Variants in CATSPERB observed in about 807,000 individuals in gnomAD.
The protein encoded by CATSPERB is cation channel sperm-associated auxiliary subunit beta.
CATSPERB carries 93 observed loss-of-function variants against 128.3 expected under a neutral mutation model. That is an observed-to-expected ratio of 0.72 (90% CI 0.61 to 0.86). The LOEUF is 0.86. CATSPERB is among the 40% of genes least tolerant of loss of function. CATSPERB has a pLI of 0.00. For missense variants in CATSPERB, 1,153 were observed against 1,329.5 expected, an observed-to-expected ratio of 0.87 and a Z score of 2.06; for synonymous variants, 381 against 448.8, an observed-to-expected ratio of 0.85 and a Z score of 1.91.
chr14:91,638,631 A>G (rs1238196353), intron 16 of CATSPERB, among the ~76,000 whole-genome samples: 1 of 152,176 alleles, frequency 6.6e-6, no homozygotes, highest in Non-Finnish European at 1.5e-5. Context: ...CTTGTTGCCC[A>G]GGCTAGTCTC....
intron 21 of CATSPERB, 139 bp downstream of exon 21, chr14:91,610,341 T>C: frequency 6.2e-6 from 4 of 642,854 alleles, no homozygotes; most frequent in South Asian, 4.2e-5. Context: ...ATCCTCAAAA[T>C]GACATGAGGA....
Position 91,729,489 on chromosome 14 carries a change from TA to T in CATSPERB, c.1-11del. 1 of 1,425,848 alleles carries T rather than the reference TA, an allele frequency of 7.0e-7. No homozygotes were observed. Among genetic ancestry groups the T allele is most frequent in the Non-Finnish European group, 9.7e-7 (1 of 1,028,836 alleles). 88.3% of individuals were successfully genotyped at this position (1,425,848 alleles called of 1,614,324 possible). A position where few individuals can be genotyped will look rare whatever the true frequency, so the allele number is the denominator to read the frequency against. On this transcript the variant is annotated splice_polypyrimidine_tract_variant and intron_variant, in intron 1 of 26. Transcript: ENST00000256343. ...TAAGTGGCGATTCCATCTGTTGGAA[TA>T]AATAAGAATTATTTTCACTCAATTT...
chr14:91,673,102 G>C, intron 12 of CATSPERB, 86 bp from the exon 13 acceptor site: 1 of 1,172,810 alleles, frequency 8.5e-7, no homozygotes. Flanking sequence ...CTTGTTCATA[G>C]AAGTAATATT....
chr14:91,624,738 A>T, intron 18 of CATSPERB, 82 bp downstream of exon 18: 1 of 1,022,592 alleles, frequency 9.8e-7, no homozygotes, highest in Non-Finnish European at 1.4e-6. Context: ...TTGCTCTATA[A>T]ATAAGCATTA....
chr14:91,714,182 T>G (rs1290143179), intron 5 of CATSPERB, among the ~76,000 whole-genome samples: 1 of 151,564 alleles, frequency 6.6e-6, no homozygotes, highest in East Asian at 1.9e-4. Flanking sequence ...AACATGAATG[T>G]TTTTTCCCTA....
rs564334656 is a variant in CATSPERB, at chr14:91,589,750, A to G, written c.2821-81T>C. Reference sequence around the variant, plus strand: ...ATTTCCTGGTAAAAAACGAAAAGATATATTGCCAATAGTTTGGCTGTTCAA... The same window carrying G: ...ATTTCCTGGTAAAAAACGAAAAGATGTATTGCCAATAGTTTGGCTGTTCAA... On this transcript the variant is annotated intron_variant, in intron 23 of 26. Transcript: ENST00000256343. 4.6e-5 allele frequency: 61 copies of G among 1,336,400 alleles called. No individual in the cohort carries two copies. The African/African-American group carries it at 8.6e-4, about 19-fold the overall frequency. The allele number at this position is 1,336,400 out of a possible 1,614,324, so 82.8% of individuals were successfully genotyped here.
chr14:91,689,712 C>T lies in CATSPERB; in HGVS notation c.864+1811G>A, dbSNP rs1035928987. On this transcript the variant is annotated intron_variant, in intron 10 of 26. Coordinates refer to ENST00000256343, the MANE Select transcript of CATSPERB (RefSeq NM_024764.4). ...TAGAATAGATGGATTATTCTTTAAT[C>T]TTGTTTTCCTTCGTCTGGTGGTTTG... Among the ~76,000 whole-genome samples, 15 of 152,048 alleles carry T rather than the reference C, an allele frequency of 9.9e-5. No homozygotes were observed. The East Asian group carries it at 2.5e-3, about 25-fold the overall frequency.
intron 7 of CATSPERB, 33 bp from the exon 8 acceptor site, chr14:91,693,512 G>C: frequency 6.4e-7 from 1 of 1,564,280 alleles, no homozygotes; most frequent in Non-Finnish European, 8.8e-7. Context: ...TTAAAGCCAG[G>C]CAACTTTACA....
Position 91,587,083 on chromosome 14 carries a change from T to C in CATSPERB, c.3132+119A>G, listed in dbSNP as rs1893315777. 15 of 720,816 alleles carry C rather than the reference T, an allele frequency of 2.1e-5. No homozygotes were observed. The South Asian group carries it at 3.0e-4, about 14-fold the overall frequency. 44.7% of individuals were successfully genotyped at this position (720,816 alleles called of 1,614,324 possible). On this transcript the variant is annotated intron_variant, in intron 26 of 26. Transcript: ENST00000256343. ...TGCTACCCTTCAGGATCCCCTGTCT[T>C]TAAGCCTTGTCCATCACACAAATTC...
At chr14:91,691,629 T>C (rs1256113283) in intron 9 of CATSPERB, 74 bp from the exon 10 acceptor site, 24 of 1,112,810 alleles carry the variant, frequency 2.2e-5, no homozygotes, top group Non-Finnish European at 2.8e-5. Context: ...ATTTAAATTA[T>C]ACTAAAGGAA....
intron 22 of CATSPERB, chr14:91,604,992 G>T: frequency 8.6e-7 from 1 of 1,165,922 alleles, no homozygotes; most frequent in Non-Finnish European, 1.3e-6. Context: ...CTATCATTGA[G>T]TACAAACAGC....
chr14:91,621,226 AC>A (rs1276538592), intron 19 of CATSPERB, among the ~76,000 whole-genome samples: 1 of 152,114 alleles, frequency 6.6e-6, no homozygotes, highest in Non-Finnish European at 1.5e-5. Context: ...ACATGGCAAA[AC>A]CCTGTCTCTA....
intron 26 of CATSPERB, among the ~76,000 whole-genome samples, chr14:91,582,188 G>A (rs1438547747): frequency 1.3e-5 from 2 of 152,120 alleles, no homozygotes; most frequent in Admixed American, 6.5e-5. Context: ...ATTTATCTTT[G>A]TATAAAACAC....
chr14:91,620,063 T>A (rs911435947), intron 19 of CATSPERB, among the ~76,000 whole-genome samples: 11 of 152,052 alleles, frequency 7.2e-5, no homozygotes, highest in Non-Finnish European at 1.6e-4. Context: ...TTCCTTGTGT[T>A]GGGGCCCAGG....
intron 20 of CATSPERB, 108 bp downstream of exon 20, chr14:91,617,489 A>T (rs1368785595): frequency 8.1e-6 from 6 of 742,894 alleles, no homozygotes; most frequent in Middle Eastern, 3.9e-4. Flanking sequence ...TTATGTGTGT[A>T]TTTATAAACA....
intron 7 of CATSPERB, among the ~76,000 whole-genome samples, chr14:91,700,949 A>C (rs1223268358): frequency 6.6e-6 from 1 of 152,174 alleles, no homozygotes; most frequent in Non-Finnish European, 1.5e-5. Context: ...CTGCACATGT[A>C]CCTCCCCTCA....
chr14:91,629,805 G>T (rs189638285), intron 17 of CATSPERB, among the ~76,000 whole-genome samples: 5 of 152,250 alleles, frequency 3.3e-5, no homozygotes, highest in South Asian at 2.1e-4. Flanking sequence ...TTGCACATGG[G>T]GGGTGATTAA....
At chr14:91,629,010 C>A (rs1309993148) in intron 17 of CATSPERB, among the ~76,000 whole-genome samples, 1 of 152,114 alleles carries the variant, frequency 6.6e-6, no homozygotes, top group Non-Finnish European at 1.5e-5. Flanking sequence ...AAGCAAAATG[C>A]CTTGGTATTT....
intron 15 of CATSPERB, among the ~76,000 whole-genome samples, chr14:91,645,850 CA>C (rs1374403801): frequency 1.4e-4 from 21 of 149,490 alleles, no homozygotes; most frequent in African/African-American, 4.9e-4. Context: ...CTGTGCTAGC[CA>C]TCAGCGAGAT....
Sources: allele counts gnomAD v4.1 joint callset (sites outside exome capture counted in the v4.1 genomes callset), GRCh38; gene constraint gnomAD v4.1.1; transcripts MANE v1.5; gene names NCBI Gene and HGNC (gene_info 2026-07-23, HGNC 2026-07-21).